Variants in DPYD observed in about 807,000 individuals in gnomAD.
DPYD encodes the protein dihydropyrimidine dehydrogenase [NADP(+)].
DPYD carries 109 observed loss-of-function variants against 116.2 expected under a neutral mutation model. That is an observed-to-expected ratio of 0.94 (90% CI 0.80 to 1.10). The LOEUF (loss-of-function observed/expected upper bound fraction) is 1.10, where lower values mean the gene tolerates loss of function less well. Ranked by LOEUF, DPYD falls within the 50% of genes least tolerant of loss-of-function variation. The pLI is 0.00. For synonymous variants in DPYD, 440 were observed against 432.0 expected, an observed-to-expected ratio of 1.02 and a Z score of -0.23; for missense variants, 1,302 against 1,254.5, an observed-to-expected ratio of 1.04 and a Z score of -0.57.
chr1:97,349,199 T>C (rs538277629), intron 16 of DPYD, among the ~76,000 whole-genome samples: 1 of 152,268 alleles, frequency 6.6e-6, no homozygotes, highest in African/African-American at 2.4e-5. Flanking sequence ...TAATATAATC[T>C]ACTTAAAATG....
intron 21 of DPYD, among the ~76,000 whole-genome samples, chr1:97,098,223 T>A (rs1434416693): frequency 6.6e-6 from 1 of 152,176 alleles, no homozygotes; most frequent in Non-Finnish European, 1.5e-5. Context: ...AATTTCATCT[T>A]AATATCTCCT....
At chr1:97,628,049 G>A (rs1250246519) in intron 8 of DPYD, among the ~76,000 whole-genome samples, 2 of 151,948 alleles carry the variant, frequency 1.3e-5, no homozygotes, top group African/African-American at 2.4e-5. Context: ...TCCTATTTCA[G>A]AGACATTGAG....
At chr1:97,300,248 T>A (rs892600330) in intron 18 of DPYD, among the ~76,000 whole-genome samples, 3 of 152,144 alleles carry the variant, frequency 2.0e-5, no homozygotes, top group African/African-American at 7.2e-5. Flanking sequence ...TTTTAATTAT[T>A]CTTTTTGCAT....
chr1:97,531,479 G>A (rs1248864037), intron 12 of DPYD, among the ~76,000 whole-genome samples: 1 of 152,088 alleles, frequency 6.6e-6, no homozygotes, highest in African/African-American at 2.4e-5. Flanking sequence ...GCTCTCTATT[G>A]TTCCAATGCT....
At chr1:97,237,610 A>G (rs1226605986) in intron 18 of DPYD, among the ~76,000 whole-genome samples, 1 of 152,224 alleles carries the variant, frequency 6.6e-6, no homozygotes, top group East Asian at 1.9e-4. Context: ...GACAGAATTT[A>G]TAGTGAGAAT....
At chr1:97,382,545 T>TAATG (rs1343206779) in intron 14 of DPYD, 84 bp from the exon 15 acceptor site, 2 of 754,280 alleles carry the variant, frequency 2.7e-6, no homozygotes, top group African/African-American at 3.6e-5. Flanking sequence ...CATAAATTTA[T>TAATG]AATGGTAAAC....
intron 16 of DPYD, among the ~76,000 whole-genome samples, chr1:97,318,343 A>G (rs201402700): frequency 0.036 from 3,941 of 108,936 alleles, 14 homozygotes; most frequent in Middle Eastern, 0.057. Context: ...CCCATCTCAC[A>G]TGCAGAGACA....
intron 11 of DPYD, among the ~76,000 whole-genome samples, chr1:97,570,681 G>C (rs1175679874): frequency 6.6e-6 from 1 of 151,690 alleles, no homozygotes; most frequent in Non-Finnish European, 1.5e-5. Context: ...GTGAATTTGA[G>C]AAAAGATCTG....
chr1:97,147,733 C>T (rs549484946), intron 20 of DPYD, among the ~76,000 whole-genome samples: 3 of 152,174 alleles, frequency 2.0e-5, no homozygotes, highest in African/African-American at 4.8e-5. Flanking sequence ...ATGTCCTCTA[C>T]GTCCTTAGCC....
At chr1:97,890,241 T>C (rs1225580428) in intron 1 of DPYD, among the ~76,000 whole-genome samples, 1 of 151,978 alleles carries the variant, frequency 6.6e-6, no homozygotes, top group East Asian at 1.9e-4. Context: ...ATAATTTACA[T>C]TGGTTAATTG....
intron 8 of DPYD, among the ~76,000 whole-genome samples, chr1:97,670,282 T>C (rs1312275843): frequency 2.0e-5 from 3 of 152,194 alleles, no homozygotes; most frequent in Admixed American, 6.6e-5. Context: ...AACATCATGA[T>C]GATCCTAAGG....
At chr1:97,092,447 A>T (rs1420814161) in intron 21 of DPYD, among the ~76,000 whole-genome samples, 1 of 152,130 alleles carries the variant, frequency 6.6e-6, no homozygotes, top group African/African-American at 2.4e-5. Context: ...CCACTTTCCT[A>T]TTCTTAAGAC....
chr1:97,737,490 A>C (rs945121509), intron 4 of DPYD, among the ~76,000 whole-genome samples: 1 of 152,142 alleles, frequency 6.6e-6, no homozygotes, highest in Non-Finnish European at 1.5e-5. Context: ...GTATTTGGAC[A>C]TTAGTTTCTA....
At chr1:97,355,897 T>G (rs190856129) in intron 16 of DPYD, among the ~76,000 whole-genome samples, 2 of 152,350 alleles carry the variant, frequency 1.3e-5, no homozygotes, top group East Asian at 3.9e-4. Flanking sequence ...TAGATAGGCA[T>G]GCAGACATTT....
intron 8 of DPYD, among the ~76,000 whole-genome samples, chr1:97,614,652 T>C (rs1234330019): frequency 6.6e-6 from 1 of 152,100 alleles, no homozygotes; most frequent in Non-Finnish European, 1.5e-5. Context: ...CTCACTAATA[T>C]AAATCAACTA....
rs533952123 is a variant in DPYD, at chr1:97,766,980, A to G, written c.234-26501T>C. On this transcript the variant is annotated intron_variant, in intron 3 of 22. Coordinates refer to ENST00000370192, the MANE Select transcript of DPYD (RefSeq NM_000110.4). Reference sequence around the variant, plus strand: ...AAGGGTACCATGTGAAAAAATAAACAGGGAAGTTACTCCCAAGGAGCAAAG... The same window carrying G: ...AAGGGTACCATGTGAAAAAATAAACGGGGAAGTTACTCCCAAGGAGCAAAG... 4.6e-5 allele frequency among the ~76,000 whole-genome samples: 7 copies of G among 152,312 alleles called. No individual in the cohort carries two copies. The South Asian group carries it at 1.5e-3, about 32-fold the overall frequency.
chr1:97,897,662 G>T (rs1673148944), intron 1 of DPYD, among the ~76,000 whole-genome samples: 1 of 151,774 alleles, frequency 6.6e-6, no homozygotes, highest in African/African-American at 2.4e-5. Context: ...TATCCAGTGT[G>T]TTTTTCATCT....
intron 3 of DPYD, among the ~76,000 whole-genome samples, chr1:97,806,591 A>G (rs1668089156): frequency 6.6e-6 from 1 of 151,920 alleles, no homozygotes; most frequent in South Asian, 2.1e-4. Flanking sequence ...CCACACAAGC[A>G]AAAACTCCCT....
chr1:97,391,048 C>CTTTTTTTT (rs571016808), intron 14 of DPYD, among the ~76,000 whole-genome samples: 31 of 132,446 alleles, frequency 2.3e-4, no homozygotes, highest in Middle Eastern at 4.0e-3. Context: ...TACTTTTCCT[C>CTTTTTTTT]TTTTTTTTTT....
Sources: gnomAD v4.1 joint callset for allele counts (sites outside exome capture counted in the v4.1 genomes callset) on GRCh38, gnomAD v4.1.1 for gene constraint, MANE v1.5 for transcripts, NCBI Gene and HGNC (gene_info 2026-07-23, HGNC 2026-07-21) for gene names.